Variants in NCKAP5 observed in about 807,000 individuals in gnomAD.
NCKAP5 encodes nck-associated protein 5.
Under a neutral mutation model 167.0 loss-of-function variants are expected in NCKAP5, and 92 were observed. The observed-to-expected ratio is 0.55, with a 90% CI of 0.47 to 0.66. The LOEUF (loss-of-function observed/expected upper bound fraction) is 0.66. Among genes scored for constraint, NCKAP5 ranks in the 30% least tolerant of loss-of-function variants. The pLI is 0.00. For synonymous variants in NCKAP5, 891 were observed against 877.4 expected (o/e 1.02, Z -0.27); for missense variants, 2,378 against 2,315.0 (o/e 1.03, Z -0.56).
At chr2:133,609,553 C>G in the NCKAP5 span, among the ~76,000 whole-genome samples, 1 of 152,074 alleles carries the variant, frequency 6.6e-6, no homozygotes, top group African/African-American at 2.4e-5. Flanking sequence ...CGATGCTCCC[C>G]TTTGCCTCTT....
intron 19 of NCKAP5, among the ~76,000 whole-genome samples, chr2:132,686,631 A>C (rs573173375): frequency 6.6e-6 from 1 of 152,290 alleles, no homozygotes; most frequent in African/African-American, 2.4e-5. Context: ...TTTACTGGTC[A>C]TCCTTTTCCC....
chr2:133,249,201 C>T (rs1228340688), intron 4 of NCKAP5, among the ~76,000 whole-genome samples: 3 of 152,058 alleles, frequency 2.0e-5, no homozygotes, highest in Non-Finnish European at 2.9e-5. Flanking sequence ...AGTTAAAGAT[C>T]TTGAGATGGG....
chr2:133,601,335 T>C, the NCKAP5 span, among the ~76,000 whole-genome samples: 1 of 152,200 alleles, frequency 6.6e-6, no homozygotes, highest in Admixed American at 6.5e-5. Flanking sequence ...ACAGGAAGAC[T>C]CACCCACTCA....
the NCKAP5 span, among the ~76,000 whole-genome samples, chr2:133,584,991 A>AAGGAAGGG: frequency 6.6e-6 from 1 of 150,820 alleles, no homozygotes; most frequent in Admixed American, 6.6e-5. Flanking sequence ...GGAAGGAAGG[A>AAGGAAGGG]AGGAGGGAAA....
At chr2:133,471,346 G>A (rs13390990) in intron 3 of NCKAP5, among the ~76,000 whole-genome samples, 33,668 of 149,482 alleles carry the variant, frequency 0.23, 4,152 homozygotes, top group East Asian at 0.42. Context: ...CTTAAAATTG[G>A]TAATTTAAGT....
At chr2:133,193,276 C>T (rs143967353) in intron 5 of NCKAP5, among the ~76,000 whole-genome samples, 7 of 152,118 alleles carry the variant, frequency 4.6e-5, no homozygotes, top group African/African-American at 9.6e-5. Flanking sequence ...ATGGTTGTGG[C>T]TATGAAAGCA....
intron 4 of NCKAP5, among the ~76,000 whole-genome samples, chr2:133,284,229 TG>T (rs2090027747): frequency 6.6e-6 from 1 of 152,070 alleles, no homozygotes; most frequent in South Asian, 2.1e-4. Flanking sequence ...ACCCCTAAAA[TG>T]TCTAATTGAG....
chr2:133,179,651 A>T (rs2084645296), intron 5 of NCKAP5, among the ~76,000 whole-genome samples: 1 of 152,236 alleles, frequency 6.6e-6, no homozygotes, highest in Non-Finnish European at 1.5e-5. Context: ...TAGCAAAGAA[A>T]TTAAAGATAT....
chr2:133,248,260 A>G (rs1304534617), intron 4 of NCKAP5, among the ~76,000 whole-genome samples: 2 of 151,930 alleles, frequency 1.3e-5, no homozygotes, highest in Admixed American at 1.3e-4. Context: ...GGGACTATTT[A>G]TTCCTAAATC....
In NCKAP5 at chr2:132,781,152, G is replaced by A; in HGVS notation, c.4949C>T (p.Ser1650Phe). ...ASCRNVLKGS[S>F]QGSCLIGSSI... ...GCTGCCGATGAGACAGGAGCCCTGA[G>A]AACTGCCCTTTAACACATTCCTGCA... The change falls in exon 15 of 20, where the codon TCT becomes TTT. Residue 1650 changes from serine (S) to phenylalanine (F), a missense_variant. By Grantham distance (155) the Ser-to-Phe change is radical (BLOSUM62 -2). This residue lies in a region of NCKAP5 where 1,325 missense variants were observed against 1,274.5 expected (regional missense o/e 1.04). Coordinates refer to ENST00000409261, the MANE Select transcript of NCKAP5 (RefSeq NM_207363.3). 1 of 1,613,918 alleles carries A rather than the reference G, an allele frequency of 6.2e-7. No individual in the cohort carries two copies. The highest frequency in any genetic ancestry group is 1.6e-4 in the Middle Eastern group (1 of 6,062).
intron 3 of NCKAP5, among the ~76,000 whole-genome samples, chr2:133,413,698 A>C (rs1271326720): frequency 6.6e-6 from 1 of 152,168 alleles, no homozygotes; most frequent in African/African-American, 2.4e-5. Context: ...AAGTTGGAAG[A>C]TCCGGCAACA....
At position 133,128,609 on chromosome 2, in the gene NCKAP5, TG is replaced by T. The variant is rs1165813338; in HGVS notation, c.341+1368del. Among the ~76,000 whole-genome samples the T allele has an allele frequency of 3.1e-3, 476 of 151,250 alleles. 4 individuals carry two copies. Among genetic ancestry groups the T allele is most frequent in the African/African-American group, 0.011 (446 of 40,632 alleles). Reference sequence around the variant, plus strand: ...ATCTCTCTCTCTCTCTTTTTTTTTTTGTTTTTGTAATGGAATCTTGCTTTGT... The same window carrying T: ...ATCTCTCTCTCTCTCTTTTTTTTTTTTTTTTGTAATGGAATCTTGCTTTGT... On this transcript the variant is annotated intron_variant, in intron 6 of 19. Transcript: ENST00000409261.
rs372059161 is a variant in NCKAP5, at chr2:133,547,307, A to G, written c.-62+11743T>C. ...GCGGCAGAGAGGCTGGGGGAGGGGCACCCGCCATTGCCCAGCCTTGATTAG... is the reference window on the plus strand; with the variant it reads ...GCGGCAGAGAGGCTGGGGGAGGGGCGCCCGCCATTGCCCAGCCTTGATTAG... On this transcript the variant is annotated intron_variant, in intron 2 of 19. Coordinates refer to ENST00000409261, the MANE Select transcript of NCKAP5 (RefSeq NM_207363.3). Among the ~76,000 whole-genome samples the G allele has an allele frequency of 9.9e-5, 15 of 151,814 alleles. No homozygotes were observed. The East Asian group carries it at 1.2e-3, about 12-fold the overall frequency.
At chr2:132,789,676 G>A (rs949386659) in intron 13 of NCKAP5, among the ~76,000 whole-genome samples, 9 of 152,120 alleles carry the variant, frequency 5.9e-5, no homozygotes, top group African/African-American at 1.9e-4. Flanking sequence ...AAAGCACAAA[G>A]GTATCTCCAG....
chr2:133,409,750 C>T (rs1170161526), intron 3 of NCKAP5, among the ~76,000 whole-genome samples: 1 of 152,088 alleles, frequency 6.6e-6, no homozygotes, highest in Non-Finnish European at 1.5e-5. Flanking sequence ...TAAAGGAGCC[C>T]ATGACTTAAA....
the NCKAP5 span, among the ~76,000 whole-genome samples, chr2:133,663,439 T>C: frequency 1.3e-5 from 2 of 152,146 alleles, no homozygotes; most frequent in African/African-American, 4.8e-5. Flanking sequence ...AAAAATAAAG[T>C]TTGACATTGA....
intron 16 of NCKAP5, among the ~76,000 whole-genome samples, chr2:132,742,058 A>C (rs961734539): frequency 7.9e-5 from 12 of 152,064 alleles, no homozygotes; most frequent in Admixed American, 2.6e-4. Flanking sequence ...TATCAATCCT[A>C]AAAGATTATC....
intron 6 of NCKAP5, among the ~76,000 whole-genome samples, chr2:133,061,761 T>G (rs1352463727): frequency 6.6e-6 from 1 of 152,178 alleles, no homozygotes; most frequent in Non-Finnish European, 1.5e-5. Flanking sequence ...CAGGTCATAA[T>G]CAATCATAAG....
intron 19 of NCKAP5, among the ~76,000 whole-genome samples, chr2:132,685,561 T>C (rs989437606): frequency 2.0e-5 from 3 of 152,128 alleles, no homozygotes; most frequent in Non-Finnish European, 2.9e-5. Flanking sequence ...AAGGAAGCAC[T>C]GGGTAATGCC....
Sources: gnomAD v4.1 joint callset for allele counts (sites outside exome capture counted in the v4.1 genomes callset) on GRCh38, gnomAD v4.1.1 for gene constraint, gnomAD v4.1.1 regional missense constraint, MANE v1.5 for transcripts, NCBI Gene and HGNC (gene_info 2026-07-23, HGNC 2026-07-21) for gene names.